The following CIAO2B variants were observed in gnomAD, a reference collection of about 807,000 sequenced individuals.
CIAO2B encodes MSS19-interacting protein of 18 kDa.
Under a neutral mutation model 16.4 loss-of-function variants are expected in CIAO2B, and 20 were observed. The observed-to-expected ratio is 1.22, with a 90% CI of 0.86 to 1.77. The LOEUF is 1.77. Among genes scored for constraint, CIAO2B ranks in the 40% most tolerant of loss-of-function variants. CIAO2B has a pLI of 0.00. For missense variants in CIAO2B, 215 were observed against 222.4 expected (o/e 0.97, Z 0.21); for synonymous variants, 106 against 90.4 (o/e 1.17, Z -0.98).
rs1021506487 is a variant in CIAO2B at position 66,934,190 on chromosome 16, C to G, written c.142+33G>C. 6.8e-6 allele frequency: 11 copies of G among 1,608,232 alleles called. No homozygotes were observed. The highest frequency in any genetic ancestry group is 6.7e-5 in the East Asian group (3 of 44,822). ...CACTGCTCCCCCCACCGCAAGCCCCCGGAACCCGCCCGCGCCCAGCAGCGG... is the reference window on the plus strand; with the variant it reads ...CACTGCTCCCCCCACCGCAAGCCCCGGGAACCCGCCCGCGCCCAGCAGCGG... On this transcript the variant is annotated intron_variant, in intron 1 of 4. Transcript: ENST00000422424. This position sits in a 1 kb window ranked among gnomAD's most constrained non-coding sequence, Gnocchi z 4.1.
At chr16:66,933,766 G>A (rs1369197535) in intron 2 of CIAO2B, 27 bp from the exon 3 acceptor site, 3 of 1,551,784 alleles carry the variant, frequency 1.9e-6, no homozygotes, top group Non-Finnish European at 2.6e-6. Context: ...GATGTCAAGA[G>A]TCAACCACCC....
intron 4 of CIAO2B, 22 bp from the exon 5 acceptor site, chr16:66,932,322 G>A (rs749832736): frequency 6.2e-7 from 1 of 1,602,322 alleles, no homozygotes; most frequent in Non-Finnish European, 8.5e-7. Context: ...GAAGGGTGTG[G>A]GGAAGGCAGA....
At position 66,934,402 on chromosome 16, in the gene CIAO2B, T is replaced by A; in HGVS notation, c.-38A>T. On this transcript the variant is annotated 5_prime_UTR_variant, in exon 1 of 5. Transcript: ENST00000422424. The surrounding 1 kb of genome is among the most constrained non-coding windows in gnomAD (Gnocchi z 4.1). ...ACCGCTGATCCTAGCAGGCGTGCGC[T>A]TCCGCTCCAACCCGCGCACTTCCGG... 6.8e-7 allele frequency: 1 copy of A among 1,475,752 alleles called. No individual in the cohort carries two copies. Among genetic ancestry groups the A allele is most frequent in the Non-Finnish European group, 8.9e-7 (1 of 1,117,886 alleles). The allele number at this position is 1,475,752 out of a possible 1,614,324, so 91.4% of individuals were successfully genotyped here.
rs1349772196 is a variant in CIAO2B at position 66,933,582 on chromosome 16, G to C, written c.348+32C>G. ...CCTCAGCAGTAGACCCTCAATGCCT[G>C]GTCTCACTCCCGGGGCTCAGCTCCA... On this transcript the variant is annotated intron_variant, in intron 3 of 4. Transcript: ENST00000422424. 4 of 1,604,276 alleles carry C rather than the reference G, an allele frequency of 2.5e-6. No homozygotes were observed. In the South Asian group the frequency reaches 3.4e-5, roughly 13 times the overall value.
In CIAO2B at chr16:66,932,537, G is replaced by T. The variant is rs536491455; in HGVS notation, c.395-237C>A. 302 of 719,978 alleles carry T rather than the reference G, an allele frequency of 4.2e-4. 8 individuals carry two copies. Among genetic ancestry groups the T allele is most frequent in the South Asian group, 1.9e-3 (128 of 67,024 alleles). 44.6% of individuals were successfully genotyped at this position (719,978 alleles called of 1,614,324 possible). A position where few individuals can be genotyped will look rare whatever the true frequency, so the allele number is the denominator to read the frequency against. On this transcript the variant is annotated intron_variant, in intron 4 of 4. Transcript: ENST00000422424. ...GCTGCCTCCTGCGCTGCTGAAGCCT[G>T]ACACACTCTGGTCCTGTATATTTGG...
In CIAO2B at chr16:66,934,151, CAGCT is replaced by C; in HGVS notation, c.142+68_142+71del. 1 of 1,611,138 alleles carries C rather than the reference CAGCT, an allele frequency of 6.2e-7. No individual in the cohort carries two copies. The highest frequency in any genetic ancestry group is 8.5e-7 in the Non-Finnish European group (1 of 1,178,948). On this transcript the variant is annotated intron_variant, in intron 1 of 4. Coordinates refer to ENST00000422424, the MANE Select transcript of CIAO2B (RefSeq NM_016062.4). This position sits in a 1 kb window ranked among gnomAD's most constrained non-coding sequence, Gnocchi z 4.1. ...ACGCCCTGCTGGGATGCGGCTCCAC[CAGCT>C]GCTCGATATCACTGCTCCCCCCACC...
intron 3 of CIAO2B, 29 bp downstream of exon 3, chr16:66,933,585 C>A: frequency 6.2e-7 from 1 of 1,605,078 alleles, no homozygotes; most frequent in South Asian, 1.1e-5. Flanking sequence ...AATGCCTGGT[C>A]TCACTCCCGG....
intron 3 of CIAO2B, 67 bp downstream of exon 3, chr16:66,933,547 C>T: frequency 6.4e-7 from 1 of 1,568,290 alleles, no homozygotes; most frequent in Admixed American, 1.8e-5. Context: ...CATGCTCTCC[C>T]AGTCCCCATC....
chr16:66,933,930 T>C, intron 2 of CIAO2B, 57 bp downstream of exon 2: 1 of 1,603,008 alleles, frequency 6.2e-7, no homozygotes, highest in Non-Finnish European at 8.5e-7. Context: ...CAGCTCCTGC[T>C]GCACAGAAAC....
chr16:66,932,645 C>T, intron 4 of CIAO2B, 135 bp downstream of exon 4: 2 of 1,053,428 alleles, frequency 1.9e-6, no homozygotes, highest in Non-Finnish European at 2.9e-6. Flanking sequence ...ATAACCCATA[C>T]TGAGGAGTCT....
rs1467794310 is a variant in CIAO2B at position 66,934,009 on chromosome 16, A to G, written c.200T>C (p.Val67Ala). 1 of 1,613,492 alleles carries G rather than the reference A, an allele frequency of 6.2e-7. No individual in the cohort carries two copies. The highest frequency in any genetic ancestry group is 1.7e-5 in the Admixed American group (1 of 59,972). The change falls in exon 2 of 5, where the codon GTA becomes GCA. Residue 67 changes from valine to alanine, a missense_variant. Val to Ala is a moderately conservative substitution (Grantham distance 64, BLOSUM62 0). Transcript: ENST00000422424. The surrounding 1 kb of genome is among the most constrained non-coding windows in gnomAD (Gnocchi z 4.1). ...EHPLTLEELN[V>A]VEQVRVQVSD... ...CACCTGAACCCGCACCTGCTCTACT[A>G]CGTTCAACTCCTCTAGCGTCAGTGG...
chr16:66,933,783 C>A, intron 2 of CIAO2B, 44 bp from the exon 3 acceptor site: 1 of 1,548,708 alleles, frequency 6.5e-7, no homozygotes, highest in Non-Finnish European at 8.7e-7. Context: ...ACCCTCAGCC[C>A]AAGGTCCCTC....
In CIAO2B at chr16:66,933,635, G is replaced by A. The variant is rs1471824506; in HGVS notation, c.327C>T (p.Arg109=). The stretch of plus-strand genomic sequence containing the variant: ...TGACCTTGAAACGCTGAGGAAGGGA[G>A]CGCAGAAGCTTGACCTTGATGGACA... ...IGLSIKVKLL[R]SLPQRFKMDV... The change falls in exon 3 of 5, where the codon CGC becomes CGT. Residue 109 remains arginine, a synonymous_variant. Transcript: ENST00000422424. The A allele has an allele frequency of 1.2e-6, 2 of 1,609,444 alleles. No individual in the cohort carries two copies. Among genetic ancestry groups the A allele is most frequent in the South Asian group, 1.1e-5 (1 of 90,034 alleles).
In CIAO2B at chr16:66,934,054, G is replaced by A. The variant is rs773651605; in HGVS notation, c.155C>T (p.Ser52Phe). ...DAREIFDLIRSINDPEHPLTL... is the reference protein window; with the variant it reads ...DAREIFDLIRFINDPEHPLTL... Reference sequence around the variant, plus strand: ...CAGTGGATGCTCCGGGTCATTGATGGAGCGAATCAGATGTGGGAAGTGAAG... The same window carrying A: ...CAGTGGATGCTCCGGGTCATTGATGAAGCGAATCAGATGTGGGAAGTGAAG... The change falls in exon 2 of 5, where the codon TCC becomes TTC. Residue 52 changes from serine (S) to phenylalanine (F), a missense_variant. Physicochemically the swap from Ser to Phe is radical, Grantham distance 155. Transcript: ENST00000422424. The surrounding 1 kb of genome is among the most constrained non-coding windows in gnomAD (Gnocchi z 4.1). 6.2e-6 allele frequency: 10 copies of A among 1,613,688 alleles called. No individual in the cohort carries two copies. The South Asian group carries it at 7.7e-5, about 12-fold the overall frequency.
At chr16:66,933,355 C>A in intron 3 of CIAO2B, 1 of 482,420 alleles carries the variant, frequency 2.1e-6, no homozygotes. Context: ...GCCTGTGCCC[C>A]ACCCCTGGTC....
intron 2 of CIAO2B, 96 bp downstream of exon 2, chr16:66,933,891 C>T: frequency 2.6e-6 from 4 of 1,561,812 alleles, no homozygotes; most frequent in Non-Finnish European, 3.5e-6. Context: ...CCAAAGATAC[C>T]CTTCGGTGTT....
Position 66,934,122 on chromosome 16 carries a change from AG to A in CIAO2B, c.143-57del, listed in dbSNP as rs1253878465. The A allele has an allele frequency of 2.5e-6, 4 of 1,611,786 alleles. No individual in the cohort carries two copies. The highest frequency in any genetic ancestry group is 2.5e-6 in the Non-Finnish European group (3 of 1,179,138). ...CCTTGCCCACTTAGAACCCTCTGCCAGGAACGCCCTGCTGGGATGCGGCTCC... is the reference window on the plus strand; with the variant it reads ...CCTTGCCCACTTAGAACCCTCTGCCAGAACGCCCTGCTGGGATGCGGCTCC... On this transcript the variant is annotated intron_variant, in intron 1 of 4. Transcript: ENST00000422424. The surrounding 1 kb of genome is among the most constrained non-coding windows in gnomAD (Gnocchi z 4.1).
chr16:66,934,100 T>A lies in CIAO2B; in HGVS notation c.143-34A>T, dbSNP rs750155677. 8.1e-6 allele frequency: 13 copies of A among 1,612,712 alleles called. No individual in the cohort carries two copies. The highest frequency in any genetic ancestry group is 1.1e-5 in the Non-Finnish European group (13 of 1,179,482). On this transcript the variant is annotated intron_variant, in intron 1 of 4. Transcript: ENST00000422424. The surrounding 1 kb of genome is among the most constrained non-coding windows in gnomAD (Gnocchi z 4.1). ...TGAAGGAAAAGGGACTCTGCGCCCT[T>A]GCCCACTTAGAACCCTCTGCCAGGA... is the stretch of plus-strand genomic sequence containing the variant.
At position 66,933,102 on chromosome 16, in the gene CIAO2B, C is replaced by T. The variant is rs151335281; in HGVS notation, c.349-277G>A. Among the ~76,000 whole-genome samples, 34 of 152,208 alleles carry T rather than the reference C, an allele frequency of 2.2e-4. No homozygotes were observed. The East Asian group carries it at 4.1e-3, about 18-fold the overall frequency. ...TCCCAGGTTCAATTTGATTCTCCTTCCTCAGCCACCCGTGTAGCTGGGACC... is the reference window on the plus strand; with the variant it reads ...TCCCAGGTTCAATTTGATTCTCCTTTCTCAGCCACCCGTGTAGCTGGGACC... On this transcript the variant is annotated intron_variant, in intron 3 of 4. Coordinates refer to ENST00000422424, the MANE Select transcript of CIAO2B (RefSeq NM_016062.4).
Sources: allele counts gnomAD v4.1 joint callset (sites outside exome capture counted in the v4.1 genomes callset), GRCh38; gene constraint gnomAD v4.1.1; non-coding constraint Gnocchi (gnomAD v3.1); transcripts MANE v1.5; gene names NCBI Gene and HGNC (gene_info 2026-07-23, HGNC 2026-07-21).